SLC25A48: variants seen among roughly 807,000 people sequenced by gnomAD.
SLC25A48 encodes the protein CTC-321K16.1.
A neutral mutation model predicts 32.2 loss-of-function variants in SLC25A48; 29 were observed. That is an observed-to-expected ratio of 0.90 (90% CI 0.67 to 1.23). SLC25A48 has a LOEUF of 1.23. Ranked by LOEUF, SLC25A48 falls within the 50% of genes most tolerant of loss-of-function variation. The probability of loss-of-function intolerance (pLI) is 0.00; values close to 1 mark genes in which losing one functional copy is unlikely to be tolerated. For synonymous variants in SLC25A48, 164 were observed against 172.3 expected (o/e 0.95, Z 0.38); for missense variants, 399 against 422.7 (o/e 0.94, Z 0.49).
intron 3 of SLC25A48, among the ~76,000 whole-genome samples, chr5:135,775,362 A>G (rs1449441613): frequency 6.6e-6 from 1 of 151,574 alleles, no homozygotes; most frequent in Non-Finnish European, 1.5e-5. Flanking sequence ...CTTCTGTGAT[A>G]TTGTTTCTAA....
At chr5:135,723,414 A>ACACACACACACACACACACACACAC (rs70976577) in intron 3 of SLC25A48, among the ~76,000 whole-genome samples, 2 of 145,714 alleles carry the variant, frequency 1.4e-5, no homozygotes, top group Non-Finnish European at 3.0e-5. Flanking sequence ...ACACACACAC[A>ACACACACACACACACACACACACAC]ATGGGGAGGG....
intron 3 of SLC25A48, among the ~76,000 whole-genome samples, chr5:135,786,059 CTTCTTTGCCCCATGGA>C (rs1756841116): frequency 6.6e-6 from 1 of 151,266 alleles, no homozygotes; most frequent in East Asian, 2.0e-4. Context: ...GGTGGAACAC[CTTCTTTGCCCCATGGA>C]TTCTAATATC....
chr5:135,766,614 C>A (rs1756238766), intron 3 of SLC25A48, among the ~76,000 whole-genome samples: 2 of 151,086 alleles, frequency 1.3e-5, no homozygotes, highest in Non-Finnish European at 3.0e-5. Context: ...AGGTGGTACA[C>A]CTCTCTGTGA....
intron 3 of SLC25A48, among the ~76,000 whole-genome samples, chr5:135,646,838 G>A (rs1474707285): frequency 1.3e-5 from 2 of 151,436 alleles, no homozygotes; most frequent in Non-Finnish European, 2.9e-5. Flanking sequence ...ATGGGAAGAT[G>A]TTGATCTAAG....
At chr5:135,856,586 G>A (rs1760340651) in intron 4 of SLC25A48, among the ~76,000 whole-genome samples, 1 of 152,244 alleles carries the variant, frequency 6.6e-6, no homozygotes, top group Non-Finnish European at 1.5e-5. Context: ...TGTGTCACAT[G>A]CCCCAAGGCT....
At position 135,617,057 on chromosome 5, in the gene SLC25A48, G is replaced by A. The variant is rs1005940047; in HGVS notation, c.-848-12180G>A. Among the ~76,000 whole-genome samples the A allele has an allele frequency of 4.0e-5, 6 of 151,234 alleles. 1 individual carries two copies. The highest frequency in any genetic ancestry group is 3.8e-4 in the East Asian group (2 of 5,200). ...GTGTTATTTCTTCTTTGAAAATTTG[G>A]TAGAATTAATCAATAAAGGCATCCA... On this transcript the variant is annotated intron_variant, in intron 1 of 10. Transcript: ENST00000646290.
intron 3 of SLC25A48, among the ~76,000 whole-genome samples, chr5:135,728,178 C>A (rs2126988896): frequency 6.6e-6 from 1 of 151,428 alleles, no homozygotes; most frequent in African/African-American, 2.4e-5. Context: ...ATAAGTGGAA[C>A]CCAGGAGGCG....
intron 3 of SLC25A48, among the ~76,000 whole-genome samples, chr5:135,767,478 C>T (rs1346990824): frequency 6.6e-6 from 1 of 151,844 alleles, no homozygotes; most frequent in South Asian, 2.1e-4. Context: ...AGTGTACACC[C>T]CCTGGTGATA....
chr5:135,680,451 T>C (rs1561787691), intron 3 of SLC25A48, among the ~76,000 whole-genome samples: 1 of 152,190 alleles, frequency 6.6e-6, no homozygotes, highest in Non-Finnish European at 1.5e-5. Context: ...ATTTAGATAA[T>C]TTTCAGTCAT....
chr5:135,660,384 T>A (rs1351398060), intron 3 of SLC25A48, among the ~76,000 whole-genome samples: 1 of 152,214 alleles, frequency 6.6e-6, no homozygotes, highest in Admixed American at 6.5e-5. Context: ...TCTCCATTTC[T>A]ATGCTTTTGA....
At chr5:135,691,235 CAA>C (rs1754136812) in intron 3 of SLC25A48, among the ~76,000 whole-genome samples, 1 of 152,156 alleles carries the variant, frequency 6.6e-6, no homozygotes, top group Non-Finnish European at 1.5e-5. Context: ...CCAGTGGAAA[CAA>C]GAGTCATAAA....
intron 3 of SLC25A48, among the ~76,000 whole-genome samples, chr5:135,743,894 G>A (rs977238522): frequency 6.6e-6 from 1 of 152,196 alleles, no homozygotes; most frequent in African/African-American, 2.4e-5. Context: ...CTTTAGGACT[G>A]TAACCTCAGT....
intron 3 of SLC25A48, among the ~76,000 whole-genome samples, chr5:135,688,367 G>A (rs1754067126): frequency 1.3e-5 from 2 of 151,882 alleles, no homozygotes; most frequent in African/African-American, 4.8e-5. Context: ...CTTTATTGGT[G>A]TTCTGATCTC....
rs139695626 is a variant in SLC25A48 at position 135,750,444 on chromosome 5, A to G, written c.-520-62079A>G. 9.4e-3 allele frequency among the ~76,000 whole-genome samples: 1,438 copies of G among 152,206 alleles called. 28 individuals are homozygous for G. Among genetic ancestry groups the G allele is most frequent in the African/African-American group, 0.033 (1,358 of 41,526 alleles). Reference sequence around the variant, plus strand: ...CTCCTAGTGGCCTCCCTCTCTCAGTATTCAGTGGTCTAGCCTGAGTACCTT... The same window carrying G: ...CTCCTAGTGGCCTCCCTCTCTCAGTGTTCAGTGGTCTAGCCTGAGTACCTT... On this transcript the variant is annotated intron_variant, in intron 3 of 10. Coordinates refer to the SLC25A48 transcript ENST00000646290.
chr5:135,780,496 A>G (rs1178600480), intron 3 of SLC25A48, among the ~76,000 whole-genome samples: 1 of 116,634 alleles, frequency 8.6e-6, no homozygotes, highest in African/African-American at 2.6e-5. Flanking sequence ...GAGGAGAGAA[A>G]GACGTCACTC....
rs73791020 is a variant in SLC25A48, at chr5:135,631,074, C to G, written c.-709+1698C>G. 9.5e-3 allele frequency among the ~76,000 whole-genome samples: 1,444 copies of G among 152,294 alleles called. 27 individuals are homozygous for G. Among genetic ancestry groups the G allele is most frequent in the African/African-American group, 0.033 (1,376 of 41,560 alleles). Reference sequence around the variant, plus strand: ...GTCTTCCTGCATCGACCCTGAACTTCCAGCAGAAAGCCTCGAGTTAGATGC... The same window carrying G: ...GTCTTCCTGCATCGACCCTGAACTTGCAGCAGAAAGCCTCGAGTTAGATGC... On this transcript the variant is annotated intron_variant, in intron 2 of 10. Coordinates refer to the SLC25A48 transcript ENST00000646290.
At chr5:135,628,769 C>T (rs1752494898) in intron 1 of SLC25A48, among the ~76,000 whole-genome samples, 1 of 152,136 alleles carries the variant, frequency 6.6e-6, no homozygotes, top group Admixed American at 6.5e-5. Context: ...GAGCCTCTCT[C>T]CCTCTTTCAT....
At position 135,864,921 on chromosome 5, in the gene SLC25A48, T is replaced by G. The variant is rs184661899; in HGVS notation, c.422-6540T>G. Among the ~76,000 whole-genome samples the G allele has an allele frequency of 3.9e-5, 6 of 152,354 alleles. No individual in the cohort carries two copies. In the East Asian group the frequency reaches 1.2e-3, roughly 29 times the overall value. Reference sequence around the variant, plus strand: ...AGTGATCTCCCACAGTAGACTTGGCTGCAGGTCACAGCTGCCTGCAGTTGG... The same window carrying G: ...AGTGATCTCCCACAGTAGACTTGGCGGCAGGTCACAGCTGCCTGCAGTTGG... On this transcript the variant is annotated intron_variant, in intron 4 of 7. Transcript: ENST00000681962.
intron 3 of SLC25A48, among the ~76,000 whole-genome samples, chr5:135,727,456 C>T (rs929839346): frequency 6.6e-6 from 1 of 151,924 alleles, no homozygotes; most frequent in Non-Finnish European, 1.5e-5. Context: ...AATGATCGTG[C>T]TTTTGATGTC....
Sources: gnomAD v4.1 joint callset for allele counts (sites outside exome capture counted in the v4.1 genomes callset) on GRCh38, gnomAD v4.1.1 for gene constraint, MANE v1.5 for transcripts, NCBI Gene and HGNC (gene_info 2026-07-23, HGNC 2026-07-21) for gene names.